The following PAK5 variants were observed in gnomAD, a reference collection of about 807,000 sequenced individuals.
The protein encoded by PAK5 is p21 (RAC1) activated kinase 5, also known as serine/threonine-protein kinase PAK 5.
In PAK5, 16 loss-of-function variants were observed where a neutral mutation model predicts 65.9. That is an observed-to-expected ratio of 0.24 (90% confidence interval 0.16 to 0.37). The LOEUF is 0.37. PAK5 is among the 10% of genes least tolerant of loss of function. The pLI is 1.00. For synonymous variants in PAK5, 371 were observed against 354.9 expected (o/e 1.05, Z -0.51); for missense variants, 785 against 903.9 (o/e 0.87, Z 1.69).
chr20:9,776,083 T>G (rs956986403), intron 1 of PAK5, among the ~76,000 whole-genome samples: 2 of 152,212 alleles, frequency 1.3e-5, no homozygotes, highest in Non-Finnish European at 1.5e-5. Flanking sequence ...TGAATGCTTA[T>G]CTTGTGCTGA....
chr20:9,661,600 T>A (rs1380613792), intron 2 of PAK5, among the ~76,000 whole-genome samples: 1 of 152,146 alleles, frequency 6.6e-6, no homozygotes. Context: ...CTCAATAGAA[T>A]TATTCTTCTC....
At chr20:9,669,338 C>A (rs1449206210) in intron 2 of PAK5, among the ~76,000 whole-genome samples, 5 of 152,126 alleles carry the variant, frequency 3.3e-5, no homozygotes, top group Non-Finnish European at 7.4e-5. Context: ...ACATATATAA[C>A]AAGCCTCCTT....
chr20:9,729,358 T>C (rs1401997236), intron 1 of PAK5, among the ~76,000 whole-genome samples: 2 of 152,194 alleles, frequency 1.3e-5, no homozygotes, highest in Non-Finnish European at 2.9e-5. Flanking sequence ...GGATGTCTGA[T>C]AATGGTGGCC....
At chr20:9,603,691 CA>C (rs761780348) in intron 3 of PAK5, among the ~76,000 whole-genome samples, 14 of 152,298 alleles carry the variant, frequency 9.2e-5, no homozygotes, top group Middle Eastern at 3.4e-3. Flanking sequence ...TTACAGATAA[CA>C]TTAGAGTGCT....
At chr20:9,804,473 T>C (rs1369589185) in intron 1 of PAK5, among the ~76,000 whole-genome samples, 20 of 152,150 alleles carry the variant, frequency 1.3e-4, no homozygotes, top group Admixed American at 1.3e-3. Context: ...GAAAAAATCA[T>C]ATTTTCAACA....
intron 2 of PAK5, among the ~76,000 whole-genome samples, chr20:9,667,004 A>G (rs1480492938): frequency 6.6e-6 from 1 of 152,152 alleles, no homozygotes; most frequent in Non-Finnish European, 1.5e-5. Context: ...TAGATCGGGC[A>G]TAGTGGCTCA....
chr20:9,832,020 C>T (rs545302279), intron 1 of PAK5, among the ~76,000 whole-genome samples: 18 of 151,992 alleles, frequency 1.2e-4, no homozygotes, highest in South Asian at 2.1e-4. Context: ...GTTTGTTTCA[C>T]GTCATTATAT....
At chr20:9,758,236 G>A (rs563999010) in intron 1 of PAK5, among the ~76,000 whole-genome samples, 68 of 152,244 alleles carry the variant, frequency 4.5e-4, no homozygotes, top group African/African-American at 1.5e-3. Context: ...TGTGAGGTAC[G>A]GATGTCCTTT....
chr20:9,607,003 T>C (rs1185029527), intron 3 of PAK5, among the ~76,000 whole-genome samples: 1 of 152,212 alleles, frequency 6.6e-6, no homozygotes, highest in Non-Finnish European at 1.5e-5. Flanking sequence ...TAAAATTTGA[T>C]ATAAAAGATC....
At chr20:9,805,729 G>A (rs759723807) in intron 1 of PAK5, among the ~76,000 whole-genome samples, 1 of 152,166 alleles carries the variant, frequency 6.6e-6, no homozygotes, top group South Asian at 2.1e-4. Flanking sequence ...GCAGGGGCCT[G>A]GGGGAGGAGA....
intron 2 of PAK5, among the ~76,000 whole-genome samples, chr20:9,699,605 G>A (rs1485573321): frequency 6.7e-6 from 1 of 148,574 alleles, no homozygotes; most frequent in Non-Finnish European, 1.5e-5. Flanking sequence ...GATGCTCTGG[G>A]GAAGATGTGA....
intron 2 of PAK5, among the ~76,000 whole-genome samples, chr20:9,687,545 C>T (rs190589125): frequency 1.2e-4 from 18 of 152,248 alleles, no homozygotes; most frequent in Non-Finnish European, 1.6e-4. Context: ...CATACAGGGG[C>T]GTCTTTGGGT....
At chr20:9,539,742 T>A in intron 9 of PAK5, 125 bp from the exon 10 acceptor site, 1 of 749,636 alleles carries the variant, frequency 1.3e-6, no homozygotes. Context: ...AGGAGAAAGA[T>A]GTTGTGAAAG....
At chr20:9,563,840 G>C (rs181175392) in intron 5 of PAK5, among the ~76,000 whole-genome samples, 1 of 152,172 alleles carries the variant, frequency 6.6e-6, no homozygotes, top group East Asian at 1.9e-4. Flanking sequence ...GATTTGGAGC[G>C]TGTGTAAGAA....
At chr20:9,735,347 C>T (rs915172703) in intron 1 of PAK5, among the ~76,000 whole-genome samples, 1 of 152,160 alleles carries the variant, frequency 6.6e-6, no homozygotes, top group African/African-American at 2.4e-5. Context: ...GAGATTTGTA[C>T]AATGTCTCCC....
intron 3 of PAK5, among the ~76,000 whole-genome samples, chr20:9,587,033 T>C (rs970566379): frequency 4.6e-5 from 7 of 152,208 alleles, no homozygotes; most frequent in African/African-American, 1.7e-4. Flanking sequence ...CTCACAGAGT[T>C]AATGTGATTA....
intron 2 of PAK5, among the ~76,000 whole-genome samples, chr20:9,668,901 T>C (rs1345552268): frequency 6.6e-6 from 1 of 152,214 alleles, no homozygotes; most frequent in East Asian, 1.9e-4. Flanking sequence ...GGAGCCTGCA[T>C]GCAGATCAGC....
At position 9,565,806 on chromosome 20, in the gene PAK5, T is replaced by G. The variant is rs1412721933; in HGVS notation, c.1482+87A>C. On this transcript the variant is annotated intron_variant, in intron 5 of 9. Transcript: ENST00000353224. The stretch of plus-strand genomic sequence containing the variant: ...CTTTATATTTTCAGTGCTTTTCTAA[T>G]GTCCTAAAATGTACATGTGTATAAC... 7.6e-6 allele frequency: 10 copies of G among 1,312,298 alleles called. No individual in the cohort carries two copies. In the East Asian group the frequency reaches 2.3e-4, roughly 31 times the overall value. 81.3% of individuals were successfully genotyped at this position (1,312,298 alleles called of 1,614,324 possible).
At chr20:9,768,110 A>T (rs6056849) in intron 1 of PAK5, among the ~76,000 whole-genome samples, 75,321 of 151,892 alleles carry the variant, frequency 0.5, 19,027 homozygotes, top group East Asian at 0.79. Flanking sequence ...TATTTTTTTA[A>T]TTTTTGATTA....
Sources: gnomAD v4.1 joint callset for allele counts (sites outside exome capture counted in the v4.1 genomes callset) on GRCh38, gnomAD v4.1.1 for gene constraint, MANE v1.5 for transcripts, NCBI Gene and HGNC (gene_info 2026-07-23, HGNC 2026-07-21) for gene names.